The following MEF2C variants were observed in gnomAD, a reference collection of about 807,000 sequenced individuals.
MEF2C encodes myocyte enhancer factor 2C, also known as myocyte-specific enhancer factor 2C.
In MEF2C, 6 loss-of-function variants were observed where a neutral mutation model predicts 50.5. That is an observed-to-expected ratio of 0.12 (90% CI 0.07 to 0.23). MEF2C has a LOEUF of 0.23. MEF2C is among the 10% of genes least tolerant of loss of function. The pLI, the probability that MEF2C is intolerant of heterozygous loss-of-function variation, is 1.00. For synonymous variants in MEF2C, 183 were observed against 228.0 expected, an observed-to-expected ratio of 0.80 and a Z score of 1.78; for missense variants, 276 against 605.0, an observed-to-expected ratio of 0.46 and a Z score of 5.70.
At chr5:88,794,606 A>G (rs1238864191) in intron 3 of MEF2C, among the ~76,000 whole-genome samples, 1 of 152,056 alleles carries the variant, frequency 6.6e-6, no homozygotes, top group African/African-American at 2.4e-5. Flanking sequence ...GTTCACTCTG[A>G]TGATCGTTTC....
At chr5:88,768,969 C>A (rs550001848) in intron 3 of MEF2C, among the ~76,000 whole-genome samples, 151 of 152,158 alleles carry the variant, frequency 9.9e-4, no homozygotes, top group African/African-American at 3.5e-3. Context: ...TAAATAGACA[C>A]CCTCAGAAAA....
At chr5:88,892,014 TAAC>T (rs1251249491) in intron 1 of MEF2C, among the ~76,000 whole-genome samples, 1 of 145,758 alleles carries the variant, frequency 6.9e-6, no homozygotes, top group Non-Finnish European at 1.6e-5. Context: ...TTTAAATTAA[TAAC>T]AATAAATTAT....
At chr5:88,732,075 G>T (rs1761918043) in intron 6 of MEF2C, among the ~76,000 whole-genome samples, 174 bp from the exon 7 acceptor site, 1 of 152,144 alleles carries the variant, frequency 6.6e-6, no homozygotes, top group Admixed American at 6.5e-5. Context: ...GTATTCAATA[G>T]TCCTCTGAAG....
intron 1 of MEF2C, among the ~76,000 whole-genome samples, chr5:88,846,448 T>C (rs1819387167): frequency 6.6e-6 from 1 of 152,220 alleles, no homozygotes; most frequent in Non-Finnish European, 1.5e-5. Context: ...CAATACCATG[T>C]AGTAAACTGT....
At chr5:88,769,184 C>CA (rs1313577180) in intron 3 of MEF2C, among the ~76,000 whole-genome samples, 2 of 152,174 alleles carry the variant, frequency 1.3e-5, no homozygotes, top group Non-Finnish European at 2.9e-5. Context: ...GAATGTGAGT[C>CA]AGATACTATA....
At chr5:88,805,325 A>G (rs700594) in intron 2 of MEF2C, among the ~76,000 whole-genome samples, 62,903 of 151,636 alleles carry the variant, frequency 0.41, 14,695 homozygotes, top group African/African-American at 0.62. Context: ...TAGAAACCCA[A>G]CAGGGCACTG....
At chr5:88,748,321 G>A (rs1770949617) in intron 6 of MEF2C, 1 of 395,810 alleles carries the variant, frequency 2.5e-6, no homozygotes, top group Non-Finnish European at 3.4e-6. Flanking sequence ...TATTTTAAAT[G>A]TATAGCATGT....
At chr5:88,881,765 G>A (rs1402216760) in intron 1 of MEF2C, among the ~76,000 whole-genome samples, 1 of 150,110 alleles carries the variant, frequency 6.7e-6, no homozygotes, top group East Asian at 2.0e-4. Context: ...GGTGGCTGGA[G>A]TTTCCTTTAT....
chr5:88,769,560 A>G (rs574591921), intron 3 of MEF2C, among the ~76,000 whole-genome samples: 2 of 152,354 alleles, frequency 1.3e-5, no homozygotes, highest in East Asian at 3.9e-4. Flanking sequence ...TGTGAAGTGA[A>G]ATACTAAAGA....
chr5:88,847,506 C>A (rs1581522944), intron 1 of MEF2C, among the ~76,000 whole-genome samples: 1 of 152,016 alleles, frequency 6.6e-6, no homozygotes, highest in South Asian at 2.1e-4. Flanking sequence ...TTTAATTCAC[C>A]AAAACATTAT....
intron 3 of MEF2C, among the ~76,000 whole-genome samples, chr5:88,788,015 G>A (rs976641923): frequency 6.6e-6 from 1 of 152,080 alleles, no homozygotes; most frequent in Non-Finnish European, 1.5e-5. Flanking sequence ...AACTTTCCTG[G>A]TTGGATTTCT....
chr5:88,782,663 A>G (rs553329547), intron 3 of MEF2C, among the ~76,000 whole-genome samples: 9 of 152,248 alleles, frequency 5.9e-5, no homozygotes, highest in South Asian at 2.1e-4. Context: ...AAATAAAAAT[A>G]TAAGTTTGGT....
Position 88,857,073 on chromosome 5 carries a change from C to T in MEF2C, c.-143+25882G>A, listed in dbSNP as rs377353374. On this transcript the variant is annotated intron_variant, in intron 1 of 10. Transcript: ENST00000504921. ...GGATTGGGGGGCTGGGGGGCTATACCCTGCAAAGCCACAGGGGCAGAGCTG... is the reference window on the plus strand; with the variant it reads ...GGATTGGGGGGCTGGGGGGCTATACTCTGCAAAGCCACAGGGGCAGAGCTG... Among the ~76,000 whole-genome samples the T allele has an allele frequency of 3.8e-4, 58 of 152,290 alleles. 1 individual carries two copies. The highest frequency in any genetic ancestry group is 3.4e-3 in the Middle Eastern group (1 of 294).
chr5:88,867,065 C>T (rs1427734692), intron 1 of MEF2C, among the ~76,000 whole-genome samples: 2 of 152,124 alleles, frequency 1.3e-5, no homozygotes, highest in Non-Finnish European at 2.9e-5. Context: ...TATATTTTCG[C>T]AAATAGTAAG....
chr5:88,760,520 A>G (rs998838897), intron 4 of MEF2C, among the ~76,000 whole-genome samples: 2 of 152,204 alleles, frequency 1.3e-5, no homozygotes, highest in Non-Finnish European at 2.9e-5. Flanking sequence ...GAGGGGCTGA[A>G]GTTTTATTCA....
chr5:88,776,866 G>A (rs972317781), intron 3 of MEF2C, among the ~76,000 whole-genome samples: 8 of 152,172 alleles, frequency 5.3e-5, no homozygotes, highest in Non-Finnish European at 8.8e-5. Context: ...ACACCTGGCA[G>A]TGGCTCGGCA....
chr5:88,754,029 G>A (rs1774083123), intron 4 of MEF2C, among the ~76,000 whole-genome samples: 1 of 152,154 alleles, frequency 6.6e-6, no homozygotes, highest in South Asian at 2.1e-4. Context: ...TTCTCCACTT[G>A]CTCCATCCAG....
chr5:88,894,841 G>T (rs771946278), intron 1 of MEF2C, among the ~76,000 whole-genome samples: 1 of 152,144 alleles, frequency 6.6e-6, no homozygotes, highest in Non-Finnish European at 1.5e-5. Flanking sequence ...AACAGCATGG[G>T]AAATGTTCTT....
chr5:88,729,033 C>G (rs137930713), intron 9 of MEF2C, among the ~76,000 whole-genome samples, 185 bp downstream of exon 9: 1 of 152,120 alleles, frequency 6.6e-6, no homozygotes, highest in Admixed American at 6.5e-5. Context: ...ATAAAACTTT[C>G]AGTCAGTTAA....
Sources: gnomAD v4.1 joint callset for allele counts (sites outside exome capture counted in the v4.1 genomes callset) on GRCh38, gnomAD v4.1.1 for gene constraint, MANE v1.5 for transcripts, NCBI Gene and HGNC (gene_info 2026-07-23, HGNC 2026-07-21) for gene names.